Variants in RIN2 observed in about 807,000 individuals in gnomAD.
RIN2 encodes Ras and Rab interactor 2, also known as RAB5 interacting protein 2.
Under a neutral mutation model 78.0 loss-of-function variants are expected in RIN2, and 36 were observed. The ratio of observed to expected loss-of-function variants is 0.46; its 90% CI spans 0.35 to 0.61. RIN2 has a LOEUF of 0.61. Among genes scored for constraint, RIN2 ranks in the 20% least tolerant of loss-of-function variants. The probability of loss-of-function intolerance (pLI) is 0.00; values close to 1 mark genes in which losing one functional copy is unlikely to be tolerated. For synonymous variants in RIN2, 466 were observed against 466.8 expected, an observed-to-expected ratio of 1.00 and a Z score of 0.02; for missense variants, 1,087 against 1,159.7, an observed-to-expected ratio of 0.94 and a Z score of 0.91.
chr20:19,859,584 C>T (rs2037271241), intron 2 of RIN2, among the ~76,000 whole-genome samples: 1 of 152,180 alleles, frequency 6.6e-6, no homozygotes, highest in Non-Finnish European at 1.5e-5. Flanking sequence ...ATATAACTTT[C>T]CCTTGACTTC....
intron 4 of RIN2, chr20:19,935,411 A>G (rs1471422771): frequency 4.2e-5 from 55 of 1,302,538 alleles, no homozygotes; most frequent in Non-Finnish European, 5.1e-5. Context: ...CTTGAACTTT[A>G]TACTCTCTCA....
chr20:19,987,000 G>C (rs527829255), intron 9 of RIN2, among the ~76,000 whole-genome samples: 1 of 152,348 alleles, frequency 6.6e-6, no homozygotes, highest in East Asian at 1.9e-4. Flanking sequence ...CCACAGGTTA[G>C]TTTTGCCTGC....
intron 2 of RIN2, among the ~76,000 whole-genome samples, chr20:19,852,464 A>G (rs2123196872): frequency 1.3e-5 from 2 of 152,322 alleles, no homozygotes; most frequent in Middle Eastern, 6.8e-3. Flanking sequence ...TTAATGTAGA[A>G]CATCAAGTCA....
At position 19,908,448 on chromosome 20, in the gene RIN2, A is replaced by G. The variant is rs8123873; in HGVS notation, c.57+18790A>G. 3.3e-5 allele frequency among the ~76,000 whole-genome samples: 5 copies of G among 149,842 alleles called. No individual in the cohort carries two copies. The South Asian group carries it at 6.3e-4, about 19-fold the overall frequency. ...GGAGCGTGCATTGAGCTGAGATCGC[A>G]CCACTGCACTCCGGCCTGGGCCACA... On this transcript the variant is annotated intron_variant, in intron 3 of 12. Transcript: ENST00000255006.
chr20:19,831,474 T>G (rs1342120409), intron 2 of RIN2, among the ~76,000 whole-genome samples: 1 of 152,120 alleles, frequency 6.6e-6, no homozygotes, highest in African/African-American at 2.4e-5. Context: ...CTTGGTGGTG[T>G]GTATGTGAGT....
intron 2 of RIN2, among the ~76,000 whole-genome samples, chr20:19,817,245 A>G (rs1479076327): frequency 6.6e-6 from 1 of 152,242 alleles, no homozygotes; most frequent in Non-Finnish European, 1.5e-5. Context: ...ATAGAAATGT[A>G]CTGCTCACAG....
At chr20:19,808,598 C>T (rs544373365) in intron 2 of RIN2, among the ~76,000 whole-genome samples, 302 of 152,342 alleles carry the variant, frequency 2.0e-3, no homozygotes, top group African/African-American at 6.8e-3. Context: ...AATGGATGGT[C>T]TACCCTGGTT....
intron 2 of RIN2, among the ~76,000 whole-genome samples, chr20:19,836,523 AT>A (rs766469660): frequency 3.0e-4 from 46 of 152,320 alleles, no homozygotes; most frequent in Non-Finnish European, 5.1e-4. Flanking sequence ...TTGGAATTAC[AT>A]TAAATATTGA....
intron 4 of RIN2, among the ~76,000 whole-genome samples, chr20:19,949,471 CA>C (rs1285331655): frequency 6.6e-6 from 1 of 152,212 alleles, no homozygotes; most frequent in Non-Finnish European, 1.5e-5. Flanking sequence ...CCTTGGTTGA[CA>C]GAGTAAGAAT....
intron 7 of RIN2, among the ~76,000 whole-genome samples, chr20:19,966,831 C>G (rs1674838285): frequency 6.6e-6 from 1 of 152,134 alleles, no homozygotes; most frequent in African/African-American, 2.4e-5. Context: ...TGGGCAGGAT[C>G]TCTTAAGCCT....
intron 4 of RIN2, among the ~76,000 whole-genome samples, chr20:19,946,965 A>T (rs1362793509): frequency 2.8e-5 from 4 of 140,870 alleles, no homozygotes; most frequent in Non-Finnish European, 6.1e-5. Flanking sequence ...CAGGAGGTGG[A>T]GGTTGCAGTG....
At chr20:19,944,146 G>T (rs577526282) in intron 4 of RIN2, among the ~76,000 whole-genome samples, 3 of 152,196 alleles carry the variant, frequency 2.0e-5, no homozygotes, top group African/African-American at 7.2e-5. Context: ...TGCTCTGTGT[G>T]TGTGTATGTC....
rs78029156 is a variant in RIN2 at position 19,779,551 on chromosome 20, G to A, written c.-162-20071G>A. On this transcript the variant is annotated intron_variant, in intron 1 of 12. Transcript: ENST00000255006. The stretch of plus-strand genomic sequence containing the variant: ...GGAAGCTGGGATTTGAATAAGAAAT[G>A]TGTTCAAATTCCAGGATCTATGTTG... Among the ~76,000 whole-genome samples the A allele has an allele frequency of 3.4e-3, 518 of 152,258 alleles. 5 individuals carry two copies. Among genetic ancestry groups the A allele is most frequent in the African/African-American group, 0.012 (498 of 41,528 alleles).
At chr20:19,950,340 G>C (rs2041263277) in intron 4 of RIN2, among the ~76,000 whole-genome samples, 1 of 152,134 alleles carries the variant, frequency 6.6e-6, no homozygotes, top group African/African-American at 2.4e-5. Context: ...TAGACACCTA[G>C]ACATAGTGGG....
chr20:19,895,320 T>C (rs1024613718), intron 3 of RIN2, among the ~76,000 whole-genome samples: 1 of 152,210 alleles, frequency 6.6e-6, no homozygotes, highest in Non-Finnish European at 1.5e-5. Context: ...GATCCTCTTA[T>C]AGCAAAGAAT....
chr20:19,797,620 C>T (rs1032634538), intron 1 of RIN2, among the ~76,000 whole-genome samples: 7 of 152,108 alleles, frequency 4.6e-5, no homozygotes, highest in Non-Finnish European at 5.9e-5. Flanking sequence ...GTGATGTCAA[C>T]GTAGCTTAAT....
intron 1 of RIN2, among the ~76,000 whole-genome samples, chr20:19,759,569 A>T (rs1775943363): frequency 6.6e-6 from 1 of 152,192 alleles, no homozygotes; most frequent in African/African-American, 2.4e-5. Flanking sequence ...GTGTTGTTAG[A>T]ACCCTGCTTC....
At chr20:19,990,981 G>T (rs981404596) in intron 10 of RIN2, among the ~76,000 whole-genome samples, 1 of 152,168 alleles carries the variant, frequency 6.6e-6, no homozygotes, top group Non-Finnish European at 1.5e-5. Context: ...GTTGTTTCCT[G>T]TAGATGCAGG....
At chr20:19,800,926 C>T (rs1399651432) in intron 2 of RIN2, among the ~76,000 whole-genome samples, 1 of 152,220 alleles carries the variant, frequency 6.6e-6, no homozygotes, top group Non-Finnish European at 1.5e-5. Flanking sequence ...AGTTTCAACC[C>T]AGAGCTGCCT....
Sources: allele counts gnomAD v4.1 joint callset (sites outside exome capture counted in the v4.1 genomes callset), GRCh38; gene constraint gnomAD v4.1.1; transcripts MANE v1.5; gene names NCBI Gene and HGNC (gene_info 2026-07-23, HGNC 2026-07-21).